Variants in KAZN observed in about 807,000 individuals in gnomAD.
The protein encoded by KAZN is kazrin, periplakin interacting protein.
KAZN carries 40 observed loss-of-function variants against 87.4 expected under a neutral mutation model. That is an observed-to-expected ratio of 0.46 (90% CI 0.36 to 0.60). The LOEUF (loss-of-function observed/expected upper bound fraction) is 0.60. Ranked by LOEUF, KAZN falls within the 20% of genes least tolerant of loss-of-function variation. The pLI is 0.00. For missense variants in KAZN, 898 were observed against 1,073.9 expected (o/e 0.84, Z 2.29); for synonymous variants, 466 against 458.3 (o/e 1.02, Z -0.22).
intron 1 of KAZN, among the ~76,000 whole-genome samples, chr1:14,935,359 C>T (rs893250361): frequency 1.3e-5 from 2 of 152,152 alleles, no homozygotes; most frequent in Non-Finnish European, 2.9e-5. Context: ...TCCTGTCTTC[C>T]TAGCATCAGG....
chr1:14,963,529 G>A (rs981110014), intron 2 of KAZN, among the ~76,000 whole-genome samples: 2 of 152,218 alleles, frequency 1.3e-5, no homozygotes, highest in African/African-American at 4.8e-5. Flanking sequence ...CTTCAGTGGC[G>A]GTGACAGCAG....
At position 14,219,631 on chromosome 1, in the gene KAZN, TA is replaced by T. The variant is rs569649928; in HGVS notation, c.249+39043del. On this transcript the variant is annotated intron_variant, in intron 2 of 16. Transcript: ENST00000636203. ...GTAGGCATTGGAGGAGCACTGCACC[TA>T]AAATAAGAAAATTGTAGTATGAAGC... Among the ~76,000 whole-genome samples, 569 of 152,260 alleles carry T rather than the reference TA, an allele frequency of 3.7e-3. 2 individuals are homozygous for T. Among genetic ancestry groups the T allele is most frequent in the Non-Finnish European group, 6.3e-3 (427 of 68,006 alleles).
chr1:14,927,672 T>G (rs1347854288), intron 1 of KAZN, among the ~76,000 whole-genome samples: 1 of 152,218 alleles, frequency 6.6e-6, no homozygotes, highest in Non-Finnish European at 1.5e-5. Context: ...GGTCTGTAAC[T>G]GAAGCATCTG....
At chr1:13,993,111 T>A (rs1639361286) in intron 1 of KAZN, among the ~76,000 whole-genome samples, 1 of 152,140 alleles carries the variant, frequency 6.6e-6, no homozygotes, top group African/African-American at 2.4e-5. Context: ...GTAGTGTGTG[T>A]CGTATCAAAG....
intron 1 of KAZN, among the ~76,000 whole-genome samples, chr1:14,742,662 C>T (rs1410362882): frequency 6.6e-6 from 1 of 152,202 alleles, no homozygotes; most frequent in African/African-American, 2.4e-5. Context: ...GAAGTGTCAG[C>T]TCCAATGATG....
At chr1:14,243,279 A>T (rs1649145688) in intron 2 of KAZN, among the ~76,000 whole-genome samples, 3 of 152,182 alleles carry the variant, frequency 2.0e-5, no homozygotes, top group Non-Finnish European at 4.4e-5. Flanking sequence ...ATATACCTGA[A>T]GAATCAGGCT....
intron 2 of KAZN, among the ~76,000 whole-genome samples, chr1:14,235,434 A>G (rs918940579): frequency 2.0e-5 from 3 of 152,242 alleles, no homozygotes; most frequent in African/African-American, 7.2e-5. Flanking sequence ...CAGAAAGCAG[A>G]TTAGTGGTTG....
rs141333320 is a variant in KAZN, at chr1:14,342,164, G to A, written c.249+161572G>A. On this transcript the variant is annotated intron_variant, in intron 2 of 16. Coordinates refer to the KAZN transcript ENST00000636203. ...ATGTCCCTGCAAAGGACATAATCTC[G>A]TTCTTTTTTGTGACTGTATAGTAGT... Among the ~76,000 whole-genome samples, 13 of 152,212 alleles carry A rather than the reference G, an allele frequency of 8.5e-5. No homozygotes were observed. The East Asian group carries it at 9.6e-4, about 11-fold the overall frequency.
In KAZN at chr1:14,504,122, G is replaced by A. The variant is rs1040310648; in HGVS notation, c.250-94861G>A. On this transcript the variant is annotated intron_variant, in intron 2 of 16. Transcript: ENST00000636203. ...CCCTGAATGTATCTCCAATCAAGAAGTCCCCAGAGCTTGTCATAATGAGGA... is the reference window on the plus strand; with the variant it reads ...CCCTGAATGTATCTCCAATCAAGAAATCCCCAGAGCTTGTCATAATGAGGA... Among the ~76,000 whole-genome samples, 8 of 152,144 alleles carry A rather than the reference G, an allele frequency of 5.3e-5. No homozygotes were observed. In the East Asian group the frequency reaches 1.5e-3, roughly 29 times the overall value.
chr1:14,479,636 A>G (rs1668958389), intron 2 of KAZN, among the ~76,000 whole-genome samples: 1 of 152,146 alleles, frequency 6.6e-6, no homozygotes, highest in African/African-American at 2.4e-5. Flanking sequence ...AGGCAGAGTT[A>G]GACATGCTGC....
intron 2 of KAZN, among the ~76,000 whole-genome samples, chr1:14,572,442 AG>A (rs1404169833): frequency 6.6e-6 from 1 of 152,164 alleles, no homozygotes; most frequent in Admixed American, 6.5e-5. Context: ...AGGCTTCAAA[AG>A]GTTTTCTTTG....
chr1:14,931,750 C>T (rs1659847540), intron 1 of KAZN, among the ~76,000 whole-genome samples: 1 of 152,178 alleles, frequency 6.6e-6, no homozygotes, highest in African/African-American at 2.4e-5. Context: ...CAGGAGGGCA[C>T]ATACTCTGGT....
intron 1 of KAZN, among the ~76,000 whole-genome samples, chr1:13,943,201 A>G (rs1347843195): frequency 6.6e-6 from 1 of 151,758 alleles, no homozygotes; most frequent in African/African-American, 2.4e-5. Flanking sequence ...AAAGGAAGTT[A>G]GAGAGAAGAA....
At chr1:14,982,716 T>A (rs1666383722) in intron 2 of KAZN, among the ~76,000 whole-genome samples, 1 of 152,154 alleles carries the variant, frequency 6.6e-6, no homozygotes, top group South Asian at 2.1e-4. Flanking sequence ...TGAGCCACTG[T>A]GCCTGGCCAG....
intron 2 of KAZN, among the ~76,000 whole-genome samples, chr1:14,256,719 C>T (rs893973210): frequency 6.6e-6 from 1 of 152,110 alleles, no homozygotes; most frequent in Non-Finnish European, 1.5e-5. Context: ...GCAAAAATAA[C>T]AGCATTTCAC....
At chr1:14,783,721 G>A (rs1645422106) in intron 1 of KAZN, among the ~76,000 whole-genome samples, 1 of 152,114 alleles carries the variant, frequency 6.6e-6, no homozygotes, top group Admixed American at 6.5e-5. Context: ...CTTGAGCGGG[G>A]TCCTGGCTGA....
intron 2 of KAZN, among the ~76,000 whole-genome samples, chr1:14,293,872 G>A (rs1350473474): frequency 2.6e-5 from 4 of 152,014 alleles, no homozygotes; most frequent in African/African-American, 9.7e-5. Context: ...GGCTCTGAGG[G>A]GCTGAAGATA....
At chr1:14,690,296 A>G (rs1350241472) in intron 1 of KAZN, among the ~76,000 whole-genome samples, 1 of 152,222 alleles carries the variant, frequency 6.6e-6, no homozygotes, top group African/African-American at 2.4e-5. Flanking sequence ...ATCCCACATA[A>G]CAGTGAACCT....
intron 1 of KAZN, among the ~76,000 whole-genome samples, chr1:14,869,466 G>T (rs909086412): frequency 6.6e-6 from 1 of 152,046 alleles, no homozygotes; most frequent in Admixed American, 6.5e-5. Context: ...GTGTGGCTGG[G>T]GCTTTATAAT....
Sources: allele counts gnomAD v4.1 joint callset (sites outside exome capture counted in the v4.1 genomes callset), GRCh38; gene constraint gnomAD v4.1.1; transcripts MANE v1.5; gene names NCBI Gene and HGNC (gene_info 2026-07-23, HGNC 2026-07-21).